Variants in CREB3L2 observed in about 807,000 individuals in gnomAD.
CREB3L2 encodes the protein cAMP responsive element binding protein 3 like 2.
In CREB3L2, 23 loss-of-function variants were observed where a neutral mutation model predicts 57.2. That is an observed-to-expected ratio of 0.40 (90% CI 0.29 to 0.57). The LOEUF (loss-of-function observed/expected upper bound fraction) is 0.57. CREB3L2 is among the 20% of genes least tolerant of loss of function. The probability of loss-of-function intolerance (pLI) is 0.42; values close to 1 mark genes in which losing one functional copy is unlikely to be tolerated. For missense variants in CREB3L2, 628 were observed against 634.7 expected (o/e 0.99, Z 0.11); for synonymous variants, 268 against 265.1 (o/e 1.01, Z -0.11).
chr7:137,962,166 C>G (rs1442630667), intron 1 of CREB3L2, among the ~76,000 whole-genome samples: 5 of 152,190 alleles, frequency 3.3e-5, no homozygotes, highest in Non-Finnish European at 7.3e-5. Flanking sequence ...AATCCAGGGA[C>G]ACTAAACTCA....
chr7:137,959,370 C>T (rs1207994394), intron 1 of CREB3L2, among the ~76,000 whole-genome samples: 1 of 152,122 alleles, frequency 6.6e-6, no homozygotes, highest in Admixed American at 6.5e-5. Context: ...GTCCATATTC[C>T]CCACCATTCC....
At chr7:137,959,117 T>C (rs984614104) in intron 1 of CREB3L2, among the ~76,000 whole-genome samples, 12 of 152,136 alleles carry the variant, frequency 7.9e-5, no homozygotes, top group Non-Finnish European at 1.3e-4. Context: ...CTAAGGAGGA[T>C]TGTGAAAATG....
rs781707201 is a variant in CREB3L2, at chr7:137,973,359, TA to T, written c.102+28244del. Among the ~76,000 whole-genome samples the T allele has an allele frequency of 4.3e-4, 65 of 152,002 alleles. 1 individual carries two copies. The highest frequency in any genetic ancestry group is 3.4e-3 in the Admixed American group (52 of 15,288). On this transcript the variant is annotated intron_variant, in intron 1 of 11. Coordinates refer to ENST00000330387, the MANE Select transcript of CREB3L2 (RefSeq NM_194071.4). ...TGTGCTAAAGTTGATCAAGTTTAAC[TA>T]AATAGGTTCAGTACCGCACCAAGGA...
intron 1 of CREB3L2, among the ~76,000 whole-genome samples, chr7:137,984,705 G>C (rs1801765195): frequency 1.3e-5 from 2 of 152,178 alleles, no homozygotes; most frequent in African/African-American, 4.8e-5. Context: ...TTTTCTAAAA[G>C]CAAACTTGGG....
intron 1 of CREB3L2, among the ~76,000 whole-genome samples, chr7:137,994,231 A>G (rs1332455150): frequency 6.6e-6 from 1 of 152,198 alleles, no homozygotes; most frequent in Non-Finnish European, 1.5e-5. Flanking sequence ...ACCCCAAGAG[A>G]GTCACCAGAC....
At chr7:137,886,779 T>C (rs1799429135) in intron 8 of CREB3L2, among the ~76,000 whole-genome samples, 1 of 151,912 alleles carries the variant, frequency 6.6e-6, no homozygotes, top group Non-Finnish European at 1.5e-5. Flanking sequence ...TGCCTCTCCT[T>C]AAAAGGCAAA....
chr7:137,991,160 A>G (rs971161269), intron 1 of CREB3L2, among the ~76,000 whole-genome samples: 16 of 151,398 alleles, frequency 1.1e-4, no homozygotes, highest in Non-Finnish European at 1.9e-4. Flanking sequence ...TGTTTTACAT[A>G]GCTTTTTTTT....
rs1323049576 is a variant in CREB3L2, at chr7:137,885,059, A to G, written c.1206T>C (p.Pro402=). 1 of 1,614,080 alleles carries G rather than the reference A, an allele frequency of 6.2e-7. No individual in the cohort carries two copies. The highest frequency in any genetic ancestry group is 8.5e-7 in the Non-Finnish European group (1 of 1,180,016). The change falls in exon 10 of 12, where the codon CCT becomes CCC. Residue 402 remains proline (P), a synonymous_variant. Coordinates refer to ENST00000330387, the MANE Select transcript of CREB3L2 (RefSeq NM_194071.4). Reference sequence around the variant, plus strand: ...TGGGCAGAGCCATCTTGGTGGCAGAAGGATAGGGCCCGTAGCCTTGAAAGA... The same window carrying G: ...TGGGCAGAGCCATCTTGGTGGCAGAGGGATAGGGCCCGTAGCCTTGAAAGA... ...GSFFQGYGPY[P]SATKMALPSQ...
At position 137,876,189 on chromosome 7, in the gene CREB3L2, A is replaced by T. The variant is rs79501917; in HGVS notation, c.*4287T>A. On this transcript the variant is annotated 3_prime_UTR_variant, in exon 12 of 12. Coordinates refer to ENST00000330387, the MANE Select transcript of CREB3L2 (RefSeq NM_194071.4). ...AACCACTTTTGAGCCTTCAGAAAAAAATTTTTCCCCACACCCAACTCAATC... is the reference window on the plus strand; with the variant it reads ...AACCACTTTTGAGCCTTCAGAAAAATATTTTTCCCCACACCCAACTCAATC... 2,138 of 232,736 alleles carry T rather than the reference A, an allele frequency of 9.2e-3. 55 individuals are homozygous for T. Among genetic ancestry groups the T allele is most frequent in the African/African-American group, 0.044 (1,987 of 45,334 alleles). The allele number at this position is 232,736 out of a possible 1,614,324, so 14.4% of individuals were successfully genotyped here.
rs544521555 is a variant in CREB3L2 at position 137,953,307 on chromosome 7, C to T, written c.103-24941G>A. ...GGTGTTTCACTGAAAACCTGCTTACCGCTTAGTTGATTAACTGCTACTCCA... is the reference window on the plus strand; with the variant it reads ...GGTGTTTCACTGAAAACCTGCTTACTGCTTAGTTGATTAACTGCTACTCCA... On this transcript the variant is annotated intron_variant, in intron 1 of 11. Coordinates refer to ENST00000330387, the MANE Select transcript of CREB3L2 (RefSeq NM_194071.4). The T allele has an allele frequency of 8.5e-5, 33 of 387,648 alleles. 1 individual carries two copies. The highest frequency in any genetic ancestry group is 5.2e-4 in the South Asian group (26 of 50,260). 24.0% of individuals were successfully genotyped at this position (387,648 alleles called of 1,614,324 possible). A position where few individuals can be genotyped will look rare whatever the true frequency, so the allele number is the denominator to read the frequency against.
intron 8 of CREB3L2, among the ~76,000 whole-genome samples, chr7:137,899,608 C>A (rs891982915): frequency 6.6e-6 from 1 of 152,190 alleles, no homozygotes; most frequent in Admixed American, 6.5e-5. Flanking sequence ...AGCAGACTAA[C>A]GGCCAAAGGC....
chr7:137,991,376 G>C (rs1801892503), intron 1 of CREB3L2, among the ~76,000 whole-genome samples: 1 of 151,730 alleles, frequency 6.6e-6, no homozygotes, highest in Non-Finnish European at 1.5e-5. Flanking sequence ...GTGTTAGCCA[G>C]GATGGTCTCG....
intron 1 of CREB3L2, among the ~76,000 whole-genome samples, chr7:137,944,508 A>C (rs1208287099): frequency 1.3e-5 from 2 of 152,268 alleles, no homozygotes; most frequent in Non-Finnish European, 2.9e-5. Flanking sequence ...TGAATCAATG[A>C]ACATTAGACC....
chr7:137,953,471 G>A (rs760727263), intron 1 of CREB3L2: 6 of 1,289,040 alleles, frequency 4.7e-6, no homozygotes, highest in African/African-American at 1.5e-5. Flanking sequence ...TATGTTAAAT[G>A]TTCTTTAAAA....
intron 8 of CREB3L2, among the ~76,000 whole-genome samples, chr7:137,893,137 G>T (rs947931748): frequency 6.6e-6 from 1 of 152,044 alleles, no homozygotes; most frequent in Non-Finnish European, 1.5e-5. Context: ...ATTACAAGAG[G>T]CTTCTTTATT....
chr7:137,969,646 C>A (rs763875468), intron 1 of CREB3L2, among the ~76,000 whole-genome samples: 1 of 151,816 alleles, frequency 6.6e-6, no homozygotes, highest in Admixed American at 6.6e-5. Flanking sequence ...CCACCGCGTC[C>A]GGCCTATGAT....
chr7:137,993,373 G>T (rs1256162888), intron 1 of CREB3L2, among the ~76,000 whole-genome samples: 1 of 152,086 alleles, frequency 6.6e-6, no homozygotes, highest in African/African-American at 2.4e-5. Flanking sequence ...TGGAAACAGG[G>T]ACTGTTTCAA....
chr7:137,998,309 C>T (rs1403877635), intron 1 of CREB3L2, among the ~76,000 whole-genome samples: 1 of 152,174 alleles, frequency 6.6e-6, no homozygotes, highest in African/African-American at 2.4e-5. Flanking sequence ...GACAGGTTTG[C>T]TAAAACAGAG....
At chr7:137,995,623 G>A (rs1236573168) in intron 1 of CREB3L2, among the ~76,000 whole-genome samples, 5 of 152,036 alleles carry the variant, frequency 3.3e-5, no homozygotes, top group Non-Finnish European at 2.9e-5. Context: ...GTCAGCCACC[G>A]CGCCCGGCCA....
Sources: gnomAD v4.1 joint callset for allele counts (sites outside exome capture counted in the v4.1 genomes callset) on GRCh38, gnomAD v4.1.1 for gene constraint, MANE v1.5 for transcripts, NCBI Gene and HGNC (gene_info 2026-07-23, HGNC 2026-07-21) for gene names.